Variants in TTN observed in about 807,000 individuals in gnomAD.
TTN encodes the protein titin.
A neutral mutation model predicts 3,223.0 loss-of-function variants in TTN; 1,525 were observed. That is an observed-to-expected ratio of 0.47 (90% CI 0.45 to 0.49). The LOEUF (loss-of-function observed/expected upper bound fraction) is 0.49, where lower values mean the gene tolerates loss of function less well. Ranked by LOEUF, TTN falls within the 20% of genes least tolerant of loss-of-function variation. The probability of loss-of-function intolerance (pLI) is 0.00; values close to 1 mark genes in which losing one functional copy is unlikely to be tolerated. For synonymous variants in TTN, 14,094 were observed against 15,161.0 expected (o/e 0.93, Z 5.17); for missense variants, 40,786 against 43,424.0 (o/e 0.94, Z 5.40).
chr2:178,766,507 G>T lies in TTN; in HGVS notation c.9577C>A (p.Arg3193=). The change falls in exon 41 of 363, where the codon CGA becomes AGA. Residue 3193 remains arginine, a synonymous_variant. Coordinates refer to ENST00000589042, the MANE Select transcript of TTN (RefSeq NM_001267550.2). ...GIEINFQVQE[R]HKYVVERRIH... ...CTTCTTTCCACTACATATTTGTGTCGTTCTTGAACTTGGAAATTGATTTCA... is the reference window on the plus strand; with the variant it reads ...CTTCTTTCCACTACATATTTGTGTCTTTCTTGAACTTGGAAATTGATTTCA... 6 of 1,613,950 alleles carry T rather than the reference G, an allele frequency of 3.7e-6. No homozygotes were observed. The highest frequency in any genetic ancestry group is 5.1e-6 in the Non-Finnish European group (6 of 1,179,960).
rs1708432666 is a variant in TTN, at chr2:178,572,128, T to C, written c.74004A>G (p.Thr24668=). Residue 24668 remains threonine (T), a synonymous_variant, in exon 326 of 363, where the codon ACA becomes ACG. Transcript: ENST00000589042. The stretch of plus-strand genomic sequence containing the variant: ...TGATAGTGGCTTCAGTGACCTTGAC[T>C]GTGGCACACGTGGCCCATTTGTCAC... ...KGSDKWATCA[T]VKVTEATITG... 4 of 1,613,344 alleles carry C rather than the reference T, an allele frequency of 2.5e-6. No individual in the cohort carries two copies. Among genetic ancestry groups the C allele is most frequent in the Non-Finnish European group, 3.4e-6 (4 of 1,179,580 alleles).
Position 178,543,965 on chromosome 2 carries a change from A to C in TTN, c.96179T>G (p.Ile32060Ser). The C allele has an allele frequency of 6.2e-7, 1 of 1,613,670 alleles. No homozygotes were observed. The highest frequency in any genetic ancestry group is 8.5e-7 in the Non-Finnish European group (1 of 1,179,710). The change falls in exon 346 of 363, where the codon ATT becomes AGT. Residue 32060 changes from isoleucine to serine, a missense_variant. Coordinates refer to ENST00000589042, the MANE Select transcript of TTN (RefSeq NM_001267550.2). ...KQGIDLASRA[I>S]IDTTESYSLL... ...TGAGTAGCTCTCAGTGGTGTCAATA[A>C]TTGCCCGGCTTGCAAGGTCAATGCC...
intron 102 of TTN, 84 bp from the exon 103 acceptor site, chr2:178,705,441 T>G: frequency 9.8e-7 from 1 of 1,025,484 alleles, no homozygotes; most frequent in Non-Finnish European, 1.3e-6. Context: ...GATTATATAC[T>G]TCATTAAGGT....
chr2:178,674,338 C>T lies in TTN; in HGVS notation c.34684G>A (p.Val11562Ile), dbSNP rs1060500397. The change falls in exon 151 of 363, where the codon GTT becomes ATT. Residue 11562 changes from valine (V) to isoleucine (I), a missense_variant. Physicochemically the swap from Val to Ile is conservative, Grantham distance 29. Coordinates refer to ENST00000589042, the MANE Select transcript of TTN (RefSeq NM_001267550.2). ...IPEEPPSIEE[V>I]EEVAPPRVPE... ...CCTCTAGGTGGTGCCACCTCTTCAA[C>T]TTCCTCTATGCTAGGTGGTTCTTCT... is the stretch of plus-strand genomic sequence containing the variant. 1.1e-5 allele frequency: 18 copies of T among 1,598,114 alleles called. No individual in the cohort carries two copies. The highest frequency in any genetic ancestry group is 1.7e-4 in the Middle Eastern group (1 of 6,038).
In TTN at chr2:178,584,443, C is replaced by T; in HGVS notation, c.65108G>A (p.Ser21703Asn). ...ATCATTGGCTTTCACCCACAGCAAA[C>T]TGTTTCTTTCCTTGCGTTCAATCAG... is the stretch of plus-strand genomic sequence containing the variant. ...GYLIERKERN[S>N]LLWVKANDTL... The change falls in exon 311 of 363, where the codon AGT (serine) becomes AAT (asparagine). Residue 21703 changes from serine to asparagine, a missense_variant. Physicochemically the swap from Ser to Asn is conservative, Grantham distance 46. Transcript: ENST00000589042. 6.2e-7 allele frequency: 1 copy of T among 1,613,302 alleles called. No individual in the cohort carries two copies. The highest frequency in any genetic ancestry group is 8.5e-7 in the Non-Finnish European group (1 of 1,179,514).
Position 178,574,252 on chromosome 2 carries a change from G to T in TTN, c.71880C>A (p.Ile23960=). 1.2e-6 allele frequency: 2 copies of T among 1,612,840 alleles called. No individual in the cohort carries two copies. Among genetic ancestry groups the T allele is most frequent in the East Asian group, 4.5e-5 (2 of 44,702 alleles). Residue 23960 remains isoleucine (I), a synonymous_variant, in exon 326 of 363, where the codon ATC becomes ATA. Transcript: ENST00000589042. The part of the protein sequence containing the change: ...YTGGFKITSY[I]VEKRDLPNGR... ...CATTAGGAAGGTCTCTCTTTTCAAC[G>T]ATATAACTGGTAATTTTAAAGCCCC...
chr2:178,758,838 T>C, intron 44 of TTN, 146 bp downstream of exon 44: 1 of 835,638 alleles, frequency 1.2e-6, no homozygotes, highest in Non-Finnish European at 2.0e-6. Flanking sequence ...GGCGAGACCA[T>C]GGCATATAAC....
intron 43 of TTN, among the ~76,000 whole-genome samples, chr2:178,760,206 G>A (rs1227378728): frequency 2.0e-5 from 3 of 151,864 alleles, no homozygotes; most frequent in Non-Finnish European, 4.4e-5. Context: ...TAACAAATCT[G>A]TTCAGTTCCT....
chr2:178,774,686 C>A, intron 29 of TTN: 1 of 687,418 alleles, frequency 1.5e-6, no homozygotes, highest in South Asian at 2.3e-5. Flanking sequence ...AAGAATTATG[C>A]TTCAATAAAA....
Position 178,588,120 on chromosome 2 carries a change from A to T in TTN, c.63287T>A (p.Ile21096Asn), listed in dbSNP as rs558727238. 119 of 1,612,884 alleles carry T rather than the reference A, an allele frequency of 7.4e-5. No homozygotes were observed. In the South Asian group the frequency reaches 1.2e-3, roughly 17 times the overall value. The change falls in exon 305 of 363, where the codon ATC becomes AAC. Residue 21096 changes from isoleucine (I) to asparagine (N), a missense_variant. Transcript: ENST00000589042. The part of the protein sequence containing the change: ...GKPVYDGGAP[I>N]IGYVVEMRPK... ...TCTCATTTCCACAACATATCCAATG[A>T]TCGGTGCACCACCATCATAGACTGG...
rs2075505123 is a variant in TTN at position 178,704,349 on chromosome 2, G to T, written c.30021C>A (p.Thr10007=). Residue 10007 remains threonine (T), a synonymous_variant, in exon 106 of 363, where the codon ACC becomes ACA. Transcript: ENST00000589042. ...TTGGTACAGAAAATTGGCATGTCATGGTGCAAGTCTGGCCTTCTTTCAGAG... is the reference window on the plus strand; with the variant it reads ...TTGGTACAGAAAATTGGCATGTCATTGTGCAAGTCTGGCCTTCTTTCAGAG... ...DVTLKEGQTC[T]MTCQFSVPNV... 3 of 1,614,000 alleles carry T rather than the reference G, an allele frequency of 1.9e-6. No individual in the cohort carries two copies. The highest frequency in any genetic ancestry group is 1.7e-6 in the Non-Finnish European group (2 of 1,179,866).
At chr2:178,627,265 AAAC>A (rs2059190341) in intron 240 of TTN, among the ~76,000 whole-genome samples, 1 of 151,986 alleles carries the variant, frequency 6.6e-6, no homozygotes, top group Admixed American at 6.6e-5. Flanking sequence ...GAAAAAATGC[AAAC>A]AACTCATGTC....
At chr2:178,685,169 T>G in intron 129 of TTN, 84 bp downstream of exon 129, 1 of 1,277,524 alleles carries the variant, frequency 7.8e-7, no homozygotes, top group Admixed American at 2.5e-5. Context: ...CAAATTGTTA[T>G]GCATAAGACA....
chr2:178,589,979 G>T lies in TTN; in HGVS notation c.61746C>A (p.Thr20582=). 3 of 1,613,012 alleles carry T rather than the reference G, an allele frequency of 1.9e-6. No individual in the cohort carries two copies. The highest frequency in any genetic ancestry group is 2.5e-6 in the Non-Finnish European group (3 of 1,179,468). The change falls in exon 304 of 363, where the codon ACC becomes ACA. Residue 20582 remains threonine (T), a synonymous_variant. Transcript: ENST00000589042. ...PCQNLKVTNV[T]KENCTISWEN... ...CCCAAGAAATTGTACAGTTCTCTTT[G>T]GTTACATTGGTAACCTTCAAATTCT...
Position 178,579,048 on chromosome 2 carries a change from A to T in TTN, c.67982T>A (p.Met22661Lys). 1.2e-6 allele frequency: 2 copies of T among 1,613,302 alleles called. No individual in the cohort carries two copies. Among genetic ancestry groups the T allele is most frequent in the Non-Finnish European group, 1.7e-6 (2 of 1,179,520 alleles). ...IKFDEVTAEA[M>K]TLKWAPPKDD... The stretch of plus-strand genomic sequence containing the variant: ...CTTTGGAGGAGCCCACTTTAAGGTC[A>T]TGGCTTCTGCTGTGACTTCATCAAA... The change falls in exon 320 of 363, where the codon ATG (methionine) becomes AAG (lysine). Residue 22661 changes from methionine (M) to lysine (K), a missense_variant. Transcript: ENST00000589042.
rs1415643045 is a variant in TTN, at chr2:178,773,961, T to C, written c.7207A>G (p.Ile2403Val). ...QEVQPSDRVH[I>V]VIDKQSHMLL... ...ATATGAGATTGTTTGTCTATCACAA[T>C]GTGAACCCTGTCACTGGGCTGCACT... Residue 2403 changes from isoleucine to valine, a missense_variant, in exon 31 of 363, where the codon ATT (isoleucine) becomes GTT (valine). Physicochemically the swap from Ile to Val is conservative, Grantham distance 29. Coordinates refer to ENST00000589042, the MANE Select transcript of TTN (RefSeq NM_001267550.2). 2 of 1,614,108 alleles carry C rather than the reference T, an allele frequency of 1.2e-6. No homozygotes were observed. The highest frequency in any genetic ancestry group is 1.7e-6 in the Non-Finnish European group (2 of 1,179,994).
chr2:178,704,791 GAATT>G lies in TTN; in HGVS notation c.29695-18_29695-15del. 1 of 1,606,368 alleles carries G rather than the reference GAATT, an allele frequency of 6.2e-7. No individual in the cohort carries two copies. The highest frequency in any genetic ancestry group is 8.5e-7 in the Non-Finnish European group (1 of 1,177,030). On this transcript the variant is annotated splice_polypyrimidine_tract_variant and intron_variant, in intron 104 of 362. Coordinates refer to ENST00000589042, the MANE Select transcript of TTN (RefSeq NM_001267550.2). ...CAGAGTGACAGGCTAGGAGAATAAA[GAATT>G]AAAACACATTTGTTACTCCTTCCCT...
Position 178,777,442 on chromosome 2 carries a change from A to C in TTN, c.4623T>G (p.Ile1541Met). The stretch of plus-strand genomic sequence containing the variant: ...TACCTTCCACAGTTAAAATCACTGA[A>C]ATTGAAGATCTGCCTGCCCTGTTTT... Reference protein sequence around the residue: ...VAQNRAGRSSISVILTVEAVE... With the variant: ...VAQNRAGRSSMSVILTVEAVE... Residue 1541 changes from isoleucine (I) to methionine (M), a missense_variant, in exon 26 of 363, where the codon ATT becomes ATG. Ile to Met is a conservative substitution (Grantham distance 10, BLOSUM62 1). Transcript: ENST00000589042. 1.2e-6 allele frequency: 2 copies of C among 1,613,798 alleles called. No homozygotes were observed. The highest frequency in any genetic ancestry group is 1.7e-6 in the Non-Finnish European group (2 of 1,179,886).
In TTN at chr2:178,713,408, C is replaced by CAAAACA. The variant is rs760674321; in HGVS notation, c.26762-37_26762-36insTGTTTT. 419 of 1,459,606 alleles carry CAAAACA rather than the reference C, an allele frequency of 2.9e-4. 2 individuals are homozygous for CAAAACA. The African/African-American group carries it at 5.0e-3, about 18-fold the overall frequency. The allele number at this position is 1,459,606 out of a possible 1,614,324, so 90.4% of individuals were successfully genotyped here. On this transcript the variant is annotated intron_variant, in intron 92 of 362. Coordinates refer to ENST00000589042, the MANE Select transcript of TTN (RefSeq NM_001267550.2). ...CAAAACAAAACAAAACAAAACAAAA[C>CAAAACA]AAAAAAAACAAAGGACAACAATTAT... is the stretch of plus-strand genomic sequence containing the variant.
Sources: gnomAD v4.1 joint callset for allele counts (sites outside exome capture counted in the v4.1 genomes callset) on GRCh38, gnomAD v4.1.1 for gene constraint, MANE v1.5 for transcripts, NCBI Gene and HGNC (gene_info 2026-07-23, HGNC 2026-07-21) for gene names.